The following MYO6 variants were observed in gnomAD, a reference collection of about 807,000 sequenced individuals.
MYO6 encodes the protein unconventional myosin-VI.
Under a neutral mutation model 178.7 loss-of-function variants are expected in MYO6, and 74 were observed. The ratio of observed to expected loss-of-function variants is 0.41; its 90% CI spans 0.34 to 0.50. The LOEUF is 0.50. Among genes scored for constraint, MYO6 ranks in the 20% least tolerant of loss-of-function variants. The pLI, the probability that MYO6 is intolerant of heterozygous loss-of-function variation, is 0.09. For missense variants in MYO6, 1,330 were observed against 1,547.4 expected, an observed-to-expected ratio of 0.86 and a Z score of 2.36; for synonymous variants, 477 against 504.6, an observed-to-expected ratio of 0.95 and a Z score of 0.73.
At chr6:75,765,991 G>C (rs1778381440) in intron 1 of MYO6, among the ~76,000 whole-genome samples, 1 of 152,094 alleles carries the variant, frequency 6.6e-6, no homozygotes, top group Non-Finnish European at 1.5e-5. Context: ...TTGCACCACT[G>C]AACTTCAGCC....
chr6:75,788,452 C>T (rs1767898449), intron 1 of MYO6, among the ~76,000 whole-genome samples: 1 of 152,180 alleles, frequency 6.6e-6, no homozygotes, highest in Admixed American at 6.5e-5. Context: ...TCCCACCAGT[C>T]TTTCTCACCT....
At chr6:75,886,433 A>T (rs1350088695) in intron 24 of MYO6, among the ~76,000 whole-genome samples, 1 of 138,246 alleles carries the variant, frequency 7.2e-6, no homozygotes, top group Non-Finnish European at 1.7e-5. Flanking sequence ...TTTAAAAAAC[A>T]TCTCACTAAT....
intron 1 of MYO6, among the ~76,000 whole-genome samples, chr6:75,784,086 C>T (rs893062037): frequency 3.3e-5 from 5 of 152,264 alleles, no homozygotes; most frequent in African/African-American, 1.2e-4. Context: ...ATTCTCCTGC[C>T]TCAGCCTCCC....
chr6:75,893,612 A>C (rs1045302586), intron 28 of MYO6, among the ~76,000 whole-genome samples: 1 of 152,214 alleles, frequency 6.6e-6, no homozygotes, highest in Non-Finnish European at 1.5e-5. Context: ...AGTTGCCTTC[A>C]TGCTTTTTCT....
At chr6:75,760,665 G>T (rs1323710175) in intron 1 of MYO6, among the ~76,000 whole-genome samples, 1 of 151,114 alleles carries the variant, frequency 6.6e-6, no homozygotes, top group Non-Finnish European at 1.5e-5. Context: ...AGAGAGTATG[G>T]TGAAAATGAG....
chr6:75,915,218 T>A lies in MYO6; in HGVS notation c.*206T>A. 1 of 594,324 alleles carries A rather than the reference T, an allele frequency of 1.7e-6. No individual in the cohort carries two copies. The highest frequency in any genetic ancestry group is 3.0e-6 in the Non-Finnish European group (1 of 334,858). 36.8% of individuals were successfully genotyped at this position (594,324 alleles called of 1,614,324 possible). A position where few individuals can be genotyped will look rare whatever the true frequency, so the allele number is the denominator to read the frequency against. On this transcript the variant is annotated 3_prime_UTR_variant, in exon 35 of 35. Coordinates refer to ENST00000369977, the MANE Select transcript of MYO6 (RefSeq NM_004999.4). ...TAAACATTATTTTTCTGTATCCCGC[T>A]GTAATTCCCAAAACTCTCATTATTC...
intron 1 of MYO6, among the ~76,000 whole-genome samples, chr6:75,778,458 G>C (rs894097772): frequency 1.3e-5 from 2 of 152,130 alleles, no homozygotes; most frequent in South Asian, 2.1e-4. Flanking sequence ...TTAGCCGGGC[G>C]TGATGGCGGG....
At chr6:75,892,488 A>C in intron 27 of MYO6, 42 bp from the exon 28 acceptor site, 1 of 1,613,574 alleles carries the variant, frequency 6.2e-7, no homozygotes, top group Non-Finnish European at 8.5e-7. Context: ...TCAAGTAAAC[A>C]AGTGAAGAAC....
intron 1 of MYO6, among the ~76,000 whole-genome samples, chr6:75,787,468 T>G (rs1767686464): frequency 6.6e-6 from 1 of 151,792 alleles, no homozygotes; most frequent in East Asian, 1.9e-4. Context: ...TTATGCTAAG[T>G]GAAAGACACC....
At position 75,864,625 on chromosome 6, in the gene MYO6, A is replaced by G. The variant is rs1260368340; in HGVS notation, c.1675-1901A>G. Among the ~76,000 whole-genome samples, 4 of 152,204 alleles carry G rather than the reference A, an allele frequency of 2.6e-5. No homozygotes were observed. In the South Asian group the frequency reaches 8.3e-4, roughly 32 times the overall value. On this transcript the variant is annotated intron_variant, in intron 16 of 34. Transcript: ENST00000369977. Reference sequence around the variant, plus strand: ...CATAAGCAGGTGACTTACCAGGGGCACTAATTGCTAGTCAACAGAATTGTC... The same window carrying G: ...CATAAGCAGGTGACTTACCAGGGGCGCTAATTGCTAGTCAACAGAATTGTC...
At chr6:75,822,711 C>T (rs1772017671) in intron 2 of MYO6, 71 bp from the exon 3 acceptor site, 1 of 1,183,424 alleles carries the variant, frequency 8.5e-7, no homozygotes, top group African/African-American at 1.5e-5. Flanking sequence ...TGTATGCAAC[C>T]AATTAAGCCC....
At chr6:75,899,332 C>T (rs1329067494) in intron 30 of MYO6, among the ~76,000 whole-genome samples, 2 of 151,552 alleles carry the variant, frequency 1.3e-5, no homozygotes, top group Non-Finnish European at 2.9e-5. Context: ...TATATTATGT[C>T]AATTTACCTC....
chr6:75,769,026 C>T (rs541357529), intron 1 of MYO6, among the ~76,000 whole-genome samples: 6 of 152,236 alleles, frequency 3.9e-5, no homozygotes, highest in Non-Finnish European at 4.4e-5. Context: ...AAGTGCCACA[C>T]TCTTTTAAAC....
chr6:75,784,244 TA>T (rs1248197570), intron 1 of MYO6, among the ~76,000 whole-genome samples: 2 of 151,858 alleles, frequency 1.3e-5, no homozygotes, highest in Non-Finnish European at 2.9e-5. Context: ...GTGCTGGGAT[TA>T]CAGGTGTGAG....
rs1424666584 is a variant in MYO6 at position 75,919,070 on chromosome 6, G to C, written c.*4058G>C. On this transcript the variant is annotated 3_prime_UTR_variant, in exon 35 of 35. Transcript: ENST00000369977. ...GGAGGCAGAGGTTGCAGGGAGCCGA[G>C]ATGGCGCCATTGCACTCCATCCTGG... 1 of 152,180 alleles carries C rather than the reference G, an allele frequency of 6.6e-6. No homozygotes were observed. Among genetic ancestry groups the C allele is most frequent in the Non-Finnish European group, 1.5e-5 (1 of 68,126 alleles). 9.4% of individuals were successfully genotyped at this position (152,180 alleles called of 1,614,324 possible).
chr6:75,915,471 A>G lies in MYO6; in HGVS notation c.*459A>G, dbSNP rs1045758. On this transcript the variant is annotated 3_prime_UTR_variant, in exon 35 of 35. Transcript: ENST00000369977. Reference sequence around the variant, plus strand: ...AAGGCACTAATGTTTTGGTCTGAAAAGCTGTGTACTTTATAGACATTTTCA... The same window carrying G: ...AAGGCACTAATGTTTTGGTCTGAAAGGCTGTGTACTTTATAGACATTTTCA... 21,821 of 169,082 alleles carry G rather than the reference A, an allele frequency of 0.13. 1,508 individuals carry two copies. Among genetic ancestry groups the G allele is most frequent in the Non-Finnish European group, 0.15 (11,460 of 77,086 alleles). The allele number at this position is 169,082 out of a possible 1,614,324, so 10.5% of individuals were successfully genotyped here.
Position 75,892,605 on chromosome 6 carries a change from A to C in MYO6, c.3022A>C (p.Arg1008=). Residue 1008 remains arginine (R), a synonymous_variant, in exon 28 of 35, where the codon AGG becomes CGG. Coordinates refer to ENST00000369977, the MANE Select transcript of MYO6 (RefSeq NM_004999.4). ...QQQAVLEQER[R]DRELALRIAQ... The stretch of plus-strand genomic sequence containing the variant: ...GCAAGCAGTTCTGGAGCAGGAGCGC[A>C]GGGACCGGGAGCTGGCCCTGAGGAT... 5 of 1,613,554 alleles carry C rather than the reference A, an allele frequency of 3.1e-6. No homozygotes were observed. The highest frequency in any genetic ancestry group is 3.4e-6 in the Non-Finnish European group (4 of 1,180,024).
chr6:75,809,038 A>ATGAG lies in MYO6; in HGVS notation c.-47-8462_-47-8459dup, dbSNP rs375514374. Among the ~76,000 whole-genome samples the ATGAG allele has an allele frequency of 2.6e-5, 4 of 152,342 alleles. 1 individual carries two copies. The highest frequency in any genetic ancestry group is 9.6e-5 in the African/African-American group (4 of 41,574). On this transcript the variant is annotated intron_variant, in intron 1 of 34. Coordinates refer to ENST00000369977, the MANE Select transcript of MYO6 (RefSeq NM_004999.4). ...GTGAAACAATATGGCAGAAGAAGCA[A>ATGAG]TGAGATATGCGTTTGTCTCACATGA...
chr6:75,750,980 G>A (rs1776844333), intron 1 of MYO6, among the ~76,000 whole-genome samples: 2 of 152,136 alleles, frequency 1.3e-5, no homozygotes, highest in African/African-American at 2.4e-5. Flanking sequence ...AAAGGTTGGC[G>A]GCAAAACAGC....
Sources: allele counts gnomAD v4.1 joint callset (sites outside exome capture counted in the v4.1 genomes callset), GRCh38; gene constraint gnomAD v4.1.1; transcripts MANE v1.5; gene names NCBI Gene and HGNC (gene_info 2026-07-23, HGNC 2026-07-21).